The following PPP2R5C variants were observed in gnomAD, a reference collection of about 807,000 sequenced individuals.
The protein encoded by PPP2R5C is serine/threonine-protein phosphatase 2A 56 kDa regulatory subunit gamma isoform.
In PPP2R5C, 7 loss-of-function variants were observed where a neutral mutation model predicts 68.9. The observed-to-expected ratio is 0.10, with a 90% CI of 0.06 to 0.19. PPP2R5C has a LOEUF of 0.19. Among genes scored for constraint, PPP2R5C ranks in the 10% least tolerant of loss-of-function variants. The pLI is 1.00. For missense variants in PPP2R5C, 348 were observed against 641.3 expected, an observed-to-expected ratio of 0.54 and a Z score of 4.94; for synonymous variants, 210 against 222.2, an observed-to-expected ratio of 0.95 and a Z score of 0.49.
At chr14:101,841,424 C>G (rs2041463830) in intron 1 of PPP2R5C, among the ~76,000 whole-genome samples, 1 of 152,190 alleles carries the variant, frequency 6.6e-6, no homozygotes, top group Non-Finnish European at 1.5e-5. Context: ...GAAAAGTAGA[C>G]TCTAGAGGAC....
chr14:101,769,030 T>C (rs1299877436), intron 2 of PPP2R5C, among the ~76,000 whole-genome samples: 1 of 152,136 alleles, frequency 6.6e-6, no homozygotes, highest in Non-Finnish European at 1.5e-5. Context: ...TTCACTGTGT[T>C]AGCCAGGATG....
intron 1 of PPP2R5C, among the ~76,000 whole-genome samples, chr14:101,811,632 T>G (rs1278462121): frequency 6.6e-6 from 1 of 152,220 alleles, no homozygotes; most frequent in African/African-American, 2.4e-5. Flanking sequence ...TAAGAGCCAC[T>G]GTACCTGGCC....
At chr14:101,761,159 C>T (rs924676903), upstream of PPP2R5C, among the ~76,000 whole-genome samples, 1 of 152,054 alleles carries the variant, frequency 6.6e-6, no homozygotes, top group Non-Finnish European at 1.5e-5. Flanking sequence ...CGGGCCTCCC[C>T]GTGCGCCTCA....
Position 101,818,936 on chromosome 14 carries a change from GT to G in PPP2R5C, c.94+8902del, listed in dbSNP as rs141703441. 1,737 of 1,360,518 alleles carry G rather than the reference GT, an allele frequency of 1.3e-3. 16 individuals are homozygous for G. In the African/African-American group the frequency reaches 0.02, roughly 16 times the overall value. The allele number at this position is 1,360,518 out of a possible 1,614,324, so 84.3% of individuals were successfully genotyped here. A position where few individuals can be genotyped will look rare whatever the true frequency, so the allele number is the denominator to read the frequency against. On this transcript the variant is annotated intron_variant, in intron 1 of 13. Transcript: ENST00000334743. The stretch of plus-strand genomic sequence containing the variant: ...TGGTTGTGTTACTCATGAGCAATGT[GT>G]TCTAATTATGGTATTTTAACTTATA...
At chr14:101,927,015 G>A (rs1367520018) in exon 14 of PPP2R5C, 1 of 152,034 alleles carries the variant, frequency 6.6e-6, no homozygotes, top group Non-Finnish European at 1.5e-5. Flanking sequence ...AAAAAAAACA[G>A]TTTAGATGCC....
chr14:101,890,024 G>A (rs192036499), intron 5 of PPP2R5C: 154 of 659,872 alleles, frequency 2.3e-4, no homozygotes, highest in African/African-American at 2.0e-3. Flanking sequence ...AAAAAAATTC[G>A]TGCAAGACCA....
intron 2 of PPP2R5C, among the ~76,000 whole-genome samples, chr14:101,784,786 G>A (rs1485408194): frequency 6.6e-6 from 1 of 152,236 alleles, no homozygotes; most frequent in Non-Finnish European, 1.5e-5. Flanking sequence ...AGCACATTAT[G>A]TAAATCATCT....
intron 1 of PPP2R5C, chr14:101,819,430 G>A (rs913576825): frequency 1.7e-4 from 39 of 230,690 alleles, no homozygotes; most frequent in Admixed American, 1.2e-3. Context: ...GGAATATGGC[G>A]CCTTTCTTTC....
chr14:101,852,561 C>T (rs372759071), intron 1 of PPP2R5C, among the ~76,000 whole-genome samples: 4 of 150,878 alleles, frequency 2.7e-5, no homozygotes, highest in Non-Finnish European at 4.4e-5. Flanking sequence ...CTCAGCCTCC[C>T]GGGTTCAAGC....
chr14:101,774,495 C>G (rs1004399987), intron 2 of PPP2R5C, among the ~76,000 whole-genome samples: 2 of 152,218 alleles, frequency 1.3e-5, no homozygotes, highest in Non-Finnish European at 2.9e-5. Flanking sequence ...CTCCTATTCT[C>G]TGCTATACCC....
Position 101,797,611 on chromosome 14 carries a change from G to A in PPP2R5C, c.259+11428G>A. Reference sequence around the variant, plus strand: ...CCTCGGATTTCCTCTTGGAAAATGAGGCTCCTGACTCACTTGACCTACTGC... The same window carrying A: ...CCTCGGATTTCCTCTTGGAAAATGAAGCTCCTGACTCACTTGACCTACTGC... On this transcript the variant is annotated intron_variant, in intron 3 of 14. Transcript: ENST00000328724. The surrounding 1 kb of genome is among the most constrained non-coding windows in gnomAD (Gnocchi z 4.2). 4.2e-6 allele frequency: 1 copy of A among 239,964 alleles called. No individual in the cohort carries two copies. Among genetic ancestry groups the A allele is most frequent in the South Asian group, 4.9e-5 (1 of 20,392 alleles). 14.9% of individuals were successfully genotyped at this position (239,964 alleles called of 1,614,324 possible).
chr14:101,765,433 T>C, intron 2 of PPP2R5C: 1 of 597,544 alleles, frequency 1.7e-6, no homozygotes, highest in Non-Finnish European at 3.0e-6. Context: ...TTACCAAATA[T>C]GATTGACTCA....
Position 101,797,004 on chromosome 14 carries a change from C to G in PPP2R5C, c.259+10821C>G. The G allele has an allele frequency of 2.8e-6, 1 of 359,230 alleles. No individual in the cohort carries two copies. The highest frequency in any genetic ancestry group is 2.1e-5 in the South Asian group (1 of 48,224). 22.3% of individuals were successfully genotyped at this position (359,230 alleles called of 1,614,324 possible). ...ACAACTCGGTGGTATTAGATACATT[C>G]AAAATGCTGTACACCCATCACTACT... On this transcript the variant is annotated intron_variant, in intron 3 of 14. Transcript: ENST00000328724. This position sits in a 1 kb window ranked among gnomAD's most constrained non-coding sequence, Gnocchi z 4.2.
rs139120378 is a variant in PPP2R5C at position 101,854,218 on chromosome 14, C to G, written c.95-2468C>G. On this transcript the variant is annotated intron_variant, in intron 1 of 13. Coordinates refer to ENST00000334743, the Ensembl canonical transcript of PPP2R5C. ...GTTTTAGGATCCTACAGGCAGTACA[C>G]CCCACTCCCATGGCCTTGCGTGTGT... 1.4e-3 allele frequency among the ~76,000 whole-genome samples: 218 copies of G among 152,216 alleles called. No individual in the cohort carries two copies. In the East Asian group the frequency reaches 0.033, roughly 23 times the overall value.
chr14:101,799,453 G>A (rs1019135079), intron 3 of PPP2R5C, among the ~76,000 whole-genome samples: 4 of 152,178 alleles, frequency 2.6e-5, no homozygotes, highest in Admixed American at 1.3e-4. Context: ...TTACGGGTGA[G>A]GAAAGGACCA....
intron 1 of PPP2R5C, among the ~76,000 whole-genome samples, chr14:101,821,466 T>TGTGG (rs1413862834): frequency 4.6e-5 from 7 of 151,226 alleles, no homozygotes; most frequent in African/African-American, 9.7e-5. Flanking sequence ...TGTGTGTGTG[T>TGTGG]GTGTGTGTGT....
At chr14:101,840,088 C>T (rs2041368821) in intron 1 of PPP2R5C, among the ~76,000 whole-genome samples, 5 of 152,138 alleles carry the variant, frequency 3.3e-5, no homozygotes, top group Admixed American at 2.6e-4. Context: ...GGTCACTATA[C>T]ACAGAGCGAA....
rs1356174090 is a variant in PPP2R5C at position 101,835,899 on chromosome 14, A to G, written c.95-20787A>G. On this transcript the variant is annotated intron_variant, in intron 1 of 13. Transcript: ENST00000334743. The surrounding 1 kb of genome is among the most constrained non-coding windows in gnomAD (Gnocchi z 5.0). ...TGTCCTTGTCTATCTAATGGGGATG[A>G]TGGTAGCCCCTCTGTGTGTTCTTAC... 6.6e-6 allele frequency among the ~76,000 whole-genome samples: 1 copy of G among 152,186 alleles called. No homozygotes were observed. The highest frequency in any genetic ancestry group is 1.5e-5 in the Non-Finnish European group (1 of 68,022).
At chr14:101,773,622 C>T (rs2037263453) in intron 2 of PPP2R5C, among the ~76,000 whole-genome samples, 1 of 152,074 alleles carries the variant, frequency 6.6e-6, no homozygotes, top group African/African-American at 2.4e-5. Flanking sequence ...CGAGCACAGA[C>T]AAGGTAGGGT....
Sources: allele counts gnomAD v4.1 joint callset (sites outside exome capture counted in the v4.1 genomes callset), GRCh38; gene constraint gnomAD v4.1.1; non-coding constraint Gnocchi (gnomAD v3.1); transcripts MANE v1.5; gene names NCBI Gene and HGNC (gene_info 2026-07-23, HGNC 2026-07-21).